Variants in ROBO2 observed in about 807,000 individuals in gnomAD.
ROBO2 encodes the protein roundabout homolog 2.
A neutral mutation model predicts 160.8 loss-of-function variants in ROBO2; 53 were observed. The observed-to-expected ratio is 0.33, with a 90% CI of 0.26 to 0.41. The LOEUF (loss-of-function observed/expected upper bound fraction) is 0.41, where lower values mean the gene tolerates loss of function less well. Ranked by LOEUF, ROBO2 falls within the 10% of genes least tolerant of loss-of-function variation. The pLI, the probability that ROBO2 is intolerant of heterozygous loss-of-function variation, is 1.00. For synonymous variants in ROBO2, 664 were observed against 611.7 expected, an observed-to-expected ratio of 1.09 and a Z score of -1.26; for missense variants, 1,577 against 1,722.4, an observed-to-expected ratio of 0.92 and a Z score of 1.49.
At chr3:76,537,916 G>C (rs2082599675) in intron 2 of ROBO2, among the ~76,000 whole-genome samples, 1 of 152,098 alleles carries the variant, frequency 6.6e-6, no homozygotes, top group African/African-American at 2.4e-5. Context: ...GAGACTCACT[G>C]TCCAGGAGAA....
intron 2 of ROBO2, among the ~76,000 whole-genome samples, chr3:76,161,886 G>A (rs1439044504): frequency 6.6e-6 from 1 of 152,112 alleles, no homozygotes. Flanking sequence ...CATACTGCAT[G>A]TGCATTTGAG....
intron 2 of ROBO2, among the ~76,000 whole-genome samples, chr3:76,537,624 G>T (rs1295296871): frequency 6.6e-6 from 1 of 152,032 alleles, no homozygotes; most frequent in Non-Finnish European, 1.5e-5. Context: ...AGAGGGTGAG[G>T]ACAGGGAACC....
chr3:76,510,530 T>C (rs773224576), intron 2 of ROBO2, among the ~76,000 whole-genome samples: 1 of 151,962 alleles, frequency 6.6e-6, no homozygotes, highest in Non-Finnish European at 1.5e-5. Context: ...TTGAGACCAG[T>C]CTGGCCAACA....
At chr3:77,405,328 T>TA (rs2076168784) in intron 2 of ROBO2, among the ~76,000 whole-genome samples, 1 of 152,142 alleles carries the variant, frequency 6.6e-6, no homozygotes. Flanking sequence ...TCTGTAAAAA[T>TA]AAAATAGTAT....
intron 2 of ROBO2, among the ~76,000 whole-genome samples, chr3:76,280,452 C>A (rs1708170376): frequency 6.6e-6 from 1 of 152,010 alleles, no homozygotes; most frequent in Non-Finnish European, 1.5e-5. Flanking sequence ...AGGCAGCAAT[C>A]TGCAAGCCAG....
intron 8 of ROBO2, among the ~76,000 whole-genome samples, chr3:77,552,939 G>A (rs1447842): frequency 0.56 from 84,793 of 151,710 alleles, 23,760 homozygotes; most frequent in Middle Eastern, 0.68. Context: ...TCAGGGAATT[G>A]TAGAGCCATT....
intron 2 of ROBO2, among the ~76,000 whole-genome samples, chr3:76,780,642 G>C (rs1299352994): frequency 6.6e-6 from 1 of 150,636 alleles, no homozygotes; most frequent in Non-Finnish European, 1.5e-5. Context: ...TTTTACTTTT[G>C]TGCCTGTGGA....
intron 2 of ROBO2, among the ~76,000 whole-genome samples, chr3:76,510,606 C>T (rs1013960391): frequency 6.6e-6 from 1 of 152,066 alleles, no homozygotes; most frequent in African/African-American, 2.4e-5. Flanking sequence ...CACCTTTAGT[C>T]CCAGCTACTT....
chr3:76,596,560 T>A (rs1418052978), intron 2 of ROBO2, among the ~76,000 whole-genome samples: 1 of 152,112 alleles, frequency 6.6e-6, no homozygotes, highest in Non-Finnish European at 1.5e-5. Context: ...TAAATGTAGG[T>A]GGCAATCACA....
At chr3:77,433,948 C>T (rs2079040910) in intron 2 of ROBO2, among the ~76,000 whole-genome samples, 1 of 152,076 alleles carries the variant, frequency 6.6e-6, no homozygotes, top group South Asian at 2.1e-4. Flanking sequence ...TTTATTCATA[C>T]TGCCATCACT....
chr3:76,630,072 C>T (rs1014824734), intron 2 of ROBO2, among the ~76,000 whole-genome samples: 8 of 152,180 alleles, frequency 5.3e-5, no homozygotes, highest in Non-Finnish European at 1.2e-4. Context: ...CATTCTTCTT[C>T]TAGTACAGCA....
chr3:77,460,318 G>C (rs1349911627), intron 2 of ROBO2, among the ~76,000 whole-genome samples: 1 of 152,096 alleles, frequency 6.6e-6, no homozygotes, highest in African/African-American at 2.4e-5. Flanking sequence ...ATAAAGACTT[G>C]TATGGCGAAA....
At chr3:77,074,022 G>C in intron 1 of ROBO2, among the ~76,000 whole-genome samples, 1 of 152,188 alleles carries the variant, frequency 6.6e-6, no homozygotes, top group East Asian at 1.9e-4. Context: ...TAATAGAAAC[G>C]TGGAAGTGTT....
chr3:77,419,150 G>A (rs1335195036), intron 2 of ROBO2, among the ~76,000 whole-genome samples: 1 of 151,946 alleles, frequency 6.6e-6, no homozygotes, highest in Admixed American at 6.6e-5. Flanking sequence ...TTCTATAAAG[G>A]CCCAAGGCAA....
In ROBO2 at chr3:76,570,174, T is replaced by C. The variant is rs148244424; in HGVS notation, c.110-527840T>C. ...AAGATTCTAATAAGCACTCAGTAAATATCAACTGTTGGTCAACTACTGATA... is the reference window on the plus strand; with the variant it reads ...AAGATTCTAATAAGCACTCAGTAAACATCAACTGTTGGTCAACTACTGATA... On this transcript the variant is annotated intron_variant, in intron 2 of 26. Coordinates refer to the ROBO2 transcript ENST00000487694. 3.6e-3 allele frequency among the ~76,000 whole-genome samples: 548 copies of C among 152,144 alleles called. 5 individuals are homozygous for C. Among genetic ancestry groups the C allele is most frequent in the African/African-American group, 0.013 (535 of 41,502 alleles).
intron 2 of ROBO2, among the ~76,000 whole-genome samples, chr3:77,026,286 A>G (rs1275879760): frequency 1.3e-5 from 2 of 152,188 alleles, no homozygotes; most frequent in African/African-American, 2.4e-5. Context: ...CTGTTTGAAT[A>G]AAAATAGAGG....
intron 2 of ROBO2, among the ~76,000 whole-genome samples, chr3:76,170,674 G>A (rs2073007376): frequency 6.6e-6 from 1 of 152,156 alleles, no homozygotes; most frequent in Admixed American, 6.5e-5. Flanking sequence ...AATGAGAATA[G>A]TAATGGTTCT....
chr3:76,605,962 C>A (rs1185481584), intron 2 of ROBO2, among the ~76,000 whole-genome samples: 6 of 151,994 alleles, frequency 3.9e-5, no homozygotes, highest in African/African-American at 1.4e-4. Flanking sequence ...GTAGACAGGA[C>A]CCCGTTATTT....
intron 2 of ROBO2, among the ~76,000 whole-genome samples, chr3:76,403,677 G>A (rs2077977840): frequency 6.6e-6 from 1 of 151,592 alleles, no homozygotes; most frequent in Non-Finnish European, 1.5e-5. Context: ...GGCAGAGTCT[G>A]TAAGACAATA....
Sources: gnomAD v4.1 joint callset for allele counts (sites outside exome capture counted in the v4.1 genomes callset) on GRCh38, gnomAD v4.1.1 for gene constraint, MANE v1.5 for transcripts, NCBI Gene and HGNC (gene_info 2026-07-23, HGNC 2026-07-21) for gene names.